The following TPM3 variants were observed in gnomAD, a reference collection of about 807,000 sequenced individuals.
The protein encoded by TPM3 is tropomyosin alpha-3 chain.
A neutral mutation model predicts 43.1 loss-of-function variants in TPM3; 16 were observed. The ratio of observed to expected loss-of-function variants is 0.37; its 90% CI spans 0.25 to 0.56. The LOEUF (loss-of-function observed/expected upper bound fraction) is 0.56. Among genes scored for constraint, TPM3 ranks in the 20% least tolerant of loss-of-function variants. The pLI, the probability that TPM3 is intolerant of heterozygous loss-of-function variation, is 0.77. For synonymous variants in TPM3, 101 were observed against 116.9 expected, an observed-to-expected ratio of 0.86 and a Z score of 0.88; for missense variants, 176 against 337.2, an observed-to-expected ratio of 0.52 and a Z score of 3.74.
At chr1:154,174,206 G>A (rs1446267666) in intron 3 of TPM3, among the ~76,000 whole-genome samples, 5 of 149,290 alleles carry the variant, frequency 3.3e-5, no homozygotes, top group East Asian at 2.0e-4. Flanking sequence ...GGTGGCAGGC[G>A]CCTGTAATCC....
intron 1 of TPM3, chr1:154,191,631 T>G (rs1011240918): frequency 4.9e-6 from 7 of 1,414,768 alleles, no homozygotes; most frequent in Non-Finnish European, 6.4e-6. Flanking sequence ...ACTCTTACCT[T>G]TTCCTCTAGA....
chr1:154,173,670 A>C (rs1038507329), intron 3 of TPM3, among the ~76,000 whole-genome samples: 11 of 151,376 alleles, frequency 7.3e-5, no homozygotes, highest in Non-Finnish European at 1.3e-4. Flanking sequence ...GTCTCAAAAA[A>C]AAAAAAAAAA....
At chr1:154,181,166 G>C (rs1662900045) in intron 2 of TPM3, among the ~76,000 whole-genome samples, 1 of 152,088 alleles carries the variant, frequency 6.6e-6, no homozygotes, top group Non-Finnish European at 1.5e-5. Context: ...TTGGCAAACT[G>C]AACAGAGGAA....
chr1:154,176,645 T>C (rs1007622253), intron 2 of TPM3, among the ~76,000 whole-genome samples: 1 of 61,940 alleles, frequency 1.6e-5, no homozygotes, highest in Non-Finnish European at 2.7e-5. Flanking sequence ...AAGTGTCTCA[T>C]AAAGCAGGAA....
In TPM3 at chr1:154,183,074, C is replaced by A. The variant is rs758914489; in HGVS notation, c.244-6826G>T. On this transcript the variant is annotated intron_variant, in intron 2 of 9. Coordinates refer to ENST00000651641, the MANE Select transcript of TPM3 (RefSeq NM_152263.4). ...GCATCATCTGCCTGCTGCTGCAGAA[C>A]CTGGATCTTGCGCTTCACCGCCTCG... The A allele has an allele frequency of 3.7e-6, 6 of 1,603,052 alleles. No homozygotes were observed. The South Asian group carries it at 5.5e-5, about 15-fold the overall frequency.
At chr1:154,159,746 A>G (rs1286085191), downstream of TPM3, among the ~76,000 whole-genome samples, 1 of 152,132 alleles carries the variant, frequency 6.6e-6, no homozygotes, top group Non-Finnish European at 1.5e-5. Context: ...GGGTGATCAT[A>G]TGATCCAGTT....
downstream of TPM3, among the ~76,000 whole-genome samples, chr1:154,159,858 T>C (rs377092675): frequency 6.6e-6 from 1 of 152,132 alleles, no homozygotes; most frequent in African/African-American, 2.4e-5. Flanking sequence ...GAGTTGCATA[T>C]TTCAATCTTA....
intron 5 of TPM3, chr1:154,172,020 G>A: frequency 6.2e-7 from 1 of 1,613,710 alleles, no homozygotes; most frequent in Non-Finnish European, 8.5e-7. Context: ...TGGGCTTAAT[G>A]GTTAGTACCT....
chr1:154,189,953 A>AT, intron 2 of TPM3, among the ~76,000 whole-genome samples: 1 of 151,926 alleles, frequency 6.6e-6, no homozygotes, highest in East Asian at 1.9e-4. Flanking sequence ...TTATTGACTT[A>AT]TTTTTTGAGA....
At chr1:154,156,352 T>C (rs1202423492), downstream of TPM3, 1 of 186,774 alleles carries the variant, frequency 5.4e-6, no homozygotes. Context: ...AAAAGTCAAA[T>C]AGGTCTGAGG....
chr1:154,174,530 CTT>C (rs764757176), intron 3 of TPM3, among the ~76,000 whole-genome samples: 11 of 135,312 alleles, frequency 8.1e-5, no homozygotes, highest in Admixed American at 7.5e-5. Context: ...CACTTTCTTT[CTT>C]TTTTTTTTTT....
At chr1:154,167,984 T>C in intron 9 of TPM3, 44 bp from the exon 10 acceptor site, 1 of 1,612,996 alleles carries the variant, frequency 6.2e-7, no homozygotes, top group Non-Finnish European at 8.5e-7. Context: ...AGGACTAGCA[T>C]CAATCTAGAT....
rs189071523 is a variant in TPM3, at chr1:154,168,083, T to C, written c.855-143A>G. ...GCCAGACACTTCAGCCTGAGAAATGTGGCTTCTTTTCAGGGTTAGTGGGAA... is the reference window on the plus strand; with the variant it reads ...GCCAGACACTTCAGCCTGAGAAATGCGGCTTCTTTTCAGGGTTAGTGGGAA... On this transcript the variant is annotated intron_variant, in intron 9 of 9. Transcript: ENST00000651641. 5.5e-4 allele frequency: 685 copies of C among 1,247,268 alleles called. 9 individuals are homozygous for C. In the Admixed American group the frequency reaches 0.014, roughly 25 times the overall value. The allele number at this position is 1,247,268 out of a possible 1,614,324, so 77.3% of individuals were successfully genotyped here.
chr1:154,160,732 A>G (rs373651945), downstream of TPM3, among the ~76,000 whole-genome samples: 1 of 152,210 alleles, frequency 6.6e-6, no homozygotes, highest in African/African-American at 2.4e-5. Flanking sequence ...ACTCTAAATG[A>G]CAAACGTTCA....
chr1:154,164,382 A>G lies in TPM3; in HGVS notation c.*3555T>C, dbSNP rs947519832. Among the ~76,000 whole-genome samples, 1 of 151,672 alleles carries G rather than the reference A, an allele frequency of 6.6e-6. No homozygotes were observed. The highest frequency in any genetic ancestry group is 2.4e-5 in the African/African-American group (1 of 41,280). ...CACTTTATTGCCAGGCTGGTCTCGA[A>G]CTCCTGGATTCAAGAAATCCTCTCA... On this transcript the variant is annotated 3_prime_UTR_variant, in exon 10 of 10. Coordinates refer to ENST00000651641, the MANE Select transcript of TPM3 (RefSeq NM_152263.4).
downstream of TPM3, chr1:154,157,477 C>G: frequency 1.4e-6 from 1 of 738,368 alleles, no homozygotes. Context: ...GAGGCAGAGA[C>G]AGTTTGGCGA....
downstream of TPM3, among the ~76,000 whole-genome samples, chr1:154,160,012 T>TA (rs1660188087): frequency 6.9e-6 from 1 of 144,486 alleles, no homozygotes; most frequent in Admixed American, 6.9e-5. Context: ...TTTTTTTTTT[T>TA]ACAAATCAGG....
chr1:154,183,798 ATTCT>A (rs1259118942), intron 2 of TPM3: 1 of 153,546 alleles, frequency 6.5e-6, no homozygotes, highest in Non-Finnish European at 1.4e-5. Flanking sequence ...ACAAATTCTC[ATTCT>A]ATTTGGCATG....
downstream of TPM3, chr1:154,158,629 T>TAAA (rs1306683499): frequency 2.5e-6 from 1 of 392,700 alleles, no homozygotes; most frequent in African/African-American, 2.0e-5. Context: ...AGTCCTTTTA[T>TAAA]TGTTAAAAAC....
Sources: gnomAD v4.1 joint callset for allele counts (sites outside exome capture counted in the v4.1 genomes callset) on GRCh38, gnomAD v4.1.1 for gene constraint, MANE v1.5 for transcripts, NCBI Gene and HGNC (gene_info 2026-07-23, HGNC 2026-07-21) for gene names.